The following CDKN2B-AS1 variants were observed in gnomAD, a reference collection of about 807,000 sequenced individuals.
CDKN2B-AS1 encodes the protein CDKN2B antisense RNA 1 (non-protein coding).
intron 1 of CDKN2B-AS1, chr9:22,030,233 G>T (rs914835720): frequency 6.6e-6 from 1 of 152,152 alleles, no homozygotes; most frequent in African/African-American, 2.4e-5. Flanking sequence ...GTAGATTTCA[G>T]CTTTTTGCTT....
At chr9:22,003,277 T>TA (rs894976659) in intron 1 of CDKN2B-AS1, 36 of 210,106 alleles carry the variant, frequency 1.7e-4, no homozygotes, top group Middle Eastern at 1.5e-3. Flanking sequence ...TTGCTTTAAA[T>TA]AAAAAAAACT....
At chr9:22,029,778 T>C (rs927586601) in intron 1 of CDKN2B-AS1, 4 of 338,830 alleles carry the variant, frequency 1.2e-5, no homozygotes, top group African/African-American at 4.2e-5. Context: ...TTTTATCTTG[T>C]ATTTATAATC....
At chr9:22,100,242 A>G (rs1276600176) in intron 4 of CDKN2B-AS1, among the ~76,000 whole-genome samples, 1 of 152,114 alleles carries the variant, frequency 6.6e-6, no homozygotes, top group Non-Finnish European at 1.5e-5. Context: ...GAGTAGTGTA[A>G]CCATTCCTAC....
At chr9:22,034,667 A>T (rs1468358719) in intron 1 of CDKN2B-AS1, among the ~76,000 whole-genome samples, 1 of 152,076 alleles carries the variant, frequency 6.6e-6, no homozygotes, top group East Asian at 1.9e-4. Context: ...GGCATACTAC[A>T]GTGTAGAGGT....
At position 22,016,736 on chromosome 9, in the gene CDKN2B-AS1, G is replaced by T. The variant is rs1040842720; in HGVS notation, n.29+21575G>T. ...TGAATAAATGGTGCTGGGAAAACTG[G>T]CTAGCCATATGTAGAAAGCTGAAAC... On this transcript the variant is annotated intron_variant and non_coding_transcript_variant, in intron 1 of 4. Transcript: ENST00000650946. Among the ~76,000 whole-genome samples, 3 of 152,154 alleles carry T rather than the reference G, an allele frequency of 2.0e-5. No individual in the cohort carries two copies. In the East Asian group the frequency reaches 5.8e-4, roughly 29 times the overall value.
At chr9:22,055,696 C>T (rs1422758746) in intron 3 of CDKN2B-AS1, among the ~76,000 whole-genome samples, 2 of 152,096 alleles carry the variant, frequency 1.3e-5, no homozygotes, top group African/African-American at 2.4e-5. Context: ...AGATGATCCA[C>T]GTGCTGGCAG....
chr9:22,071,768 C>T (rs1824305348), intron 4 of CDKN2B-AS1, among the ~76,000 whole-genome samples: 1 of 152,136 alleles, frequency 6.6e-6, no homozygotes, highest in African/African-American at 2.4e-5. Flanking sequence ...ATGAGTTCAA[C>T]TTCACAAATA....
chr9:22,073,849 A>G (rs1824391122), intron 4 of CDKN2B-AS1, among the ~76,000 whole-genome samples: 1 of 151,296 alleles, frequency 6.6e-6, no homozygotes, highest in African/African-American at 2.4e-5. Flanking sequence ...ATCTAAAGTC[A>G]CTGTACATAC....
At chr9:22,123,242 GT>G (rs566736829) in intron 4 of CDKN2B-AS1, among the ~76,000 whole-genome samples, 1 of 152,076 alleles carries the variant, frequency 6.6e-6, no homozygotes, top group Non-Finnish European at 1.5e-5. Context: ...TTAGCTCTGA[GT>G]TTTTTGGTAG....
chr9:21,997,138 T>C lies in CDKN2B-AS1; in HGVS notation n.29+1977T>C, dbSNP rs943562379. Among the ~76,000 whole-genome samples the C allele has an allele frequency of 2.0e-5, 3 of 152,222 alleles. No homozygotes were observed. The highest frequency in any genetic ancestry group is 7.2e-5 in the African/African-American group (3 of 41,442). ...TAGGTGGTATAGTCTATTATACATC[T>C]AGGCTGTATGGTATGGGCTATTGCT... On this transcript the variant is annotated intron_variant and non_coding_transcript_variant, in intron 1 of 4. Coordinates refer to ENST00000650946, the Ensembl canonical transcript of CDKN2B-AS1. This position sits in a 1 kb window ranked among gnomAD's most constrained non-coding sequence, Gnocchi z 4.8.
intron 1 of CDKN2B-AS1, among the ~76,000 whole-genome samples, chr9:22,036,499 C>T (rs867127479): frequency 6.6e-6 from 1 of 152,098 alleles, no homozygotes; most frequent in Non-Finnish European, 1.5e-5. Flanking sequence ...TAAATTGTTT[C>T]GTCCTGCTTT....
At chr9:22,087,439 C>A (rs370527164) in intron 4 of CDKN2B-AS1, among the ~76,000 whole-genome samples, 1 of 152,240 alleles carries the variant, frequency 6.6e-6, no homozygotes, top group East Asian at 1.9e-4. Context: ...AGGAAATAAT[C>A]CTTAGTTTTT....
At chr9:22,026,475 TG>T (rs1822243794) in intron 1 of CDKN2B-AS1, among the ~76,000 whole-genome samples, 1 of 152,198 alleles carries the variant, frequency 6.6e-6, no homozygotes, top group South Asian at 2.1e-4. Flanking sequence ...ATGGCTAAGT[TG>T]CCCAAACAGC....
At chr9:22,094,525 T>C (rs935750788) in intron 4 of CDKN2B-AS1, among the ~76,000 whole-genome samples, 3 of 144,342 alleles carry the variant, frequency 2.1e-5, no homozygotes, top group Non-Finnish European at 4.4e-5. Flanking sequence ...TTCTTTTTAT[T>C]CTTTTTCCTC....
intron 3 of CDKN2B-AS1, among the ~76,000 whole-genome samples, chr9:22,050,320 A>T (rs1203777602): frequency 6.6e-6 from 1 of 152,216 alleles, no homozygotes; most frequent in African/African-American, 2.4e-5. Flanking sequence ...GAGGCCTTGC[A>T]ATTGATTACG....
chr9:22,014,297 G>C (rs1447224657), intron 1 of CDKN2B-AS1, among the ~76,000 whole-genome samples: 1 of 152,000 alleles, frequency 6.6e-6, no homozygotes, highest in Non-Finnish European at 1.5e-5. Context: ...CCAATAGCTA[G>C]GACTACAGGC....
rs1321527021 is a variant in CDKN2B-AS1 at position 21,999,161 on chromosome 9, G to T, written n.29+4000G>T. Among the ~76,000 whole-genome samples, 1 of 152,022 alleles carries T rather than the reference G, an allele frequency of 6.6e-6. No homozygotes were observed. The highest frequency in any genetic ancestry group is 2.4e-5 in the African/African-American group (1 of 41,420). On this transcript the variant is annotated intron_variant and non_coding_transcript_variant, in intron 1 of 4. Transcript: ENST00000650946. This position sits in a 1 kb window ranked among gnomAD's most constrained non-coding sequence, Gnocchi z 4.7. ...CAATCACTCTTACTATTACAACTTG[G>T]TGTAATTGTTTTGAAAGGCAGCATT...
intron 1 of CDKN2B-AS1, among the ~76,000 whole-genome samples, chr9:22,011,646 T>C (rs1221098013): frequency 6.6e-6 from 1 of 152,236 alleles, no homozygotes; most frequent in African/African-American, 2.4e-5. Context: ...TTTTTCAGTC[T>C]ACACTGTGTT....
intron 1 of CDKN2B-AS1, among the ~76,000 whole-genome samples, chr9:22,044,422 A>G (rs951592319): frequency 3.9e-5 from 6 of 152,048 alleles, no homozygotes; most frequent in Admixed American, 3.9e-4. Context: ...GTCTGTTAGT[A>G]TACATGAGTG....
Sources: allele counts gnomAD v4.1 joint callset (sites outside exome capture counted in the v4.1 genomes callset), GRCh38; gene constraint gnomAD v4.1.1; non-coding constraint Gnocchi (gnomAD v3.1); transcripts MANE v1.5; gene names NCBI Gene and HGNC (gene_info 2026-07-23, HGNC 2026-07-21).